The following ERC1 variants were observed in gnomAD, a reference collection of about 807,000 sequenced individuals.
ERC1 encodes ELKS/RAB6-interacting/CAST family member 1.
Under a neutral mutation model 132.0 loss-of-function variants are expected in ERC1, and 56 were observed. The ratio of observed to expected loss-of-function variants is 0.42; its 90% CI spans 0.34 to 0.53. The LOEUF (loss-of-function observed/expected upper bound fraction) is 0.53, where lower values mean the gene tolerates loss of function less well. ERC1 is among the 20% of genes least tolerant of loss of function. ERC1 has a pLI of 0.03. For missense variants in ERC1, 1,202 were observed against 1,349.9 expected, an observed-to-expected ratio of 0.89 and a Z score of 1.72; for synonymous variants, 478 against 476.1, an observed-to-expected ratio of 1.00 and a Z score of -0.05.
chr12:1,451,088 T>C (rs1343163649), intron 18 of ERC1, among the ~76,000 whole-genome samples: 1 of 152,226 alleles, frequency 6.6e-6, no homozygotes, highest in African/African-American at 2.4e-5. Context: ...TGCAAATATT[T>C]TCTCCCGTTC....
chr12:1,045,707 CAAAT>C (rs990567289), intron 2 of ERC1, among the ~76,000 whole-genome samples: 8 of 151,988 alleles, frequency 5.3e-5, no homozygotes, highest in African/African-American at 9.7e-5. Context: ...TGACTAAGGA[CAAAT>C]GAATGAAGTG....
chr12:1,121,693 ATC>A (rs1254921257), intron 7 of ERC1, among the ~76,000 whole-genome samples: 1 of 59,452 alleles, frequency 1.7e-5, no homozygotes, highest in African/African-American at 6.1e-5. Context: ...CTCTATCTCT[ATC>A]TCTATCTCTA....
chr12:1,371,926 G>A lies in ERC1; in HGVS notation c.2874G>A (p.Val958=), dbSNP rs769006807. The A allele has an allele frequency of 1.2e-6, 2 of 1,614,120 alleles. No individual in the cohort carries two copies. The highest frequency in any genetic ancestry group is 1.1e-5 in the South Asian group (1 of 91,078). Residue 958 remains valine, a synonymous_variant, in exon 16 of 19, where the codon GTG becomes GTA. Transcript: ENST00000360905. ...CTAAGAAGAAGACCCAAGAGGAAGT[G>A]GCTGCCCTGAAGCGGGAGAAGGATC... ...SSSKKKTQEE[V]AALKREKDRL...
intron 13 of ERC1, among the ~76,000 whole-genome samples, chr12:1,258,389 A>T (rs1264298860): frequency 6.6e-6 from 1 of 152,238 alleles, no homozygotes; most frequent in East Asian, 1.9e-4. Context: ...CATGTAAAGC[A>T]TGTATTCCAA....
intron 15 of ERC1, among the ~76,000 whole-genome samples, chr12:1,333,734 A>G (rs962413964): frequency 1.3e-5 from 2 of 152,198 alleles, no homozygotes; most frequent in African/African-American, 4.8e-5. Flanking sequence ...GTGTCTTTAT[A>G]ATAGAACAAT....
In ERC1 at chr12:1,365,327, GAA is replaced by G. The variant is rs77071351; in HGVS notation, c.2781-6496_2781-6495del. On this transcript the variant is annotated intron_variant, in intron 15 of 18. Coordinates refer to ENST00000360905, the MANE Select transcript of ERC1 (RefSeq NM_178040.4). ...CACTTGCCTAGACGCTACTGGCCTG[GAA>G]AAAAAAAAATGCCTTAAAAGTGCAG... is the stretch of plus-strand genomic sequence containing the variant. Among the ~76,000 whole-genome samples the G allele has an allele frequency of 1.2e-4, 18 of 146,636 alleles. 1 individual carries two copies. The highest frequency in any genetic ancestry group is 4.5e-4 in the African/African-American group (18 of 40,208).
At chr12:1,380,680 T>C (rs2088546818) in intron 16 of ERC1, 1 of 152,274 alleles carries the variant, frequency 6.6e-6, no homozygotes, top group Non-Finnish European at 1.5e-5. Context: ...AGTAGTGCCT[T>C]TTCAGCCACT....
chr12:1,193,153 C>T (rs1370226791), intron 12 of ERC1, among the ~76,000 whole-genome samples: 1 of 152,062 alleles, frequency 6.6e-6, no homozygotes, highest in East Asian at 1.9e-4. Flanking sequence ...ATGAAGGATT[C>T]CCAGGCCTGT....
chr12:1,125,544 G>T (rs909541779), intron 7 of ERC1, among the ~76,000 whole-genome samples: 3 of 152,090 alleles, frequency 2.0e-5, no homozygotes, highest in East Asian at 1.9e-4. Flanking sequence ...GGCCGGGCAC[G>T]GTGGCTCACG....
intron 4 of ERC1, 117 bp from the exon 5 acceptor site, chr12:1,110,075 C>T: frequency 1.2e-6 from 1 of 858,974 alleles, no homozygotes; most frequent in Non-Finnish European, 1.7e-6. Flanking sequence ...TGCCAGACAG[C>T]ATTTTTTCTG....
intron 13 of ERC1, among the ~76,000 whole-genome samples, chr12:1,257,471 C>T (rs2076885059): frequency 6.6e-6 from 1 of 152,156 alleles, no homozygotes; most frequent in African/African-American, 2.4e-5. Context: ...AGGTGATCTA[C>T]CATAGTCTGA....
chr12:1,057,753 G>A (rs966046197), intron 2 of ERC1, among the ~76,000 whole-genome samples: 9 of 151,650 alleles, frequency 5.9e-5, no homozygotes, highest in African/African-American at 1.9e-4. Flanking sequence ...TTGCCACCAC[G>A]CCCAGCTAAT....
intron 15 of ERC1, among the ~76,000 whole-genome samples, chr12:1,336,840 C>T (rs1300374105): frequency 6.6e-6 from 1 of 151,900 alleles, no homozygotes; most frequent in Non-Finnish European, 1.5e-5. Context: ...CTCCATTGCC[C>T]AGGCTGGAGT....
chr12:1,274,788 G>A (rs1257801737), intron 14 of ERC1, among the ~76,000 whole-genome samples: 1 of 152,198 alleles, frequency 6.6e-6, no homozygotes, highest in Non-Finnish European at 1.5e-5. Flanking sequence ...ACCGTGCCTA[G>A]CTGGAGGGCA....
intron 18 of ERC1, among the ~76,000 whole-genome samples, chr12:1,482,688 C>A (rs938714155): frequency 6.6e-6 from 1 of 152,042 alleles, no homozygotes; most frequent in Non-Finnish European, 1.5e-5. Context: ...CTCAAGTGAT[C>A]CACCTGCCTC....
intron 2 of ERC1, among the ~76,000 whole-genome samples, chr12:1,048,053 G>A (rs535986650): frequency 6.6e-6 from 1 of 152,244 alleles, no homozygotes; most frequent in Admixed American, 6.5e-5. Context: ...ATGTTCTCAG[G>A]CTAGATGCAG....
At chr12:1,200,131 G>A (rs1272195135) in intron 12 of ERC1, among the ~76,000 whole-genome samples, 1 of 152,078 alleles carries the variant, frequency 6.6e-6, no homozygotes, top group Non-Finnish European at 1.5e-5. Context: ...TTCACAACTA[G>A]TTTCTAAAAT....
chr12:1,061,426 T>G (rs1937859874), intron 2 of ERC1, among the ~76,000 whole-genome samples: 1 of 100,562 alleles, frequency 9.9e-6, no homozygotes. Flanking sequence ...TGAAACCCTG[T>G]CTCTACTATA....
Position 1,067,870 on chromosome 12 carries a change from CTGTG to C in ERC1, c.670-15286_670-15283del, listed in dbSNP as rs1245859386. Among the ~76,000 whole-genome samples the C allele has an allele frequency of 1.9e-4, 28 of 150,220 alleles. 1 individual carries two copies. The highest frequency in any genetic ancestry group is 1.7e-3 in the Admixed American group (25 of 15,114). On this transcript the variant is annotated intron_variant, in intron 2 of 18. Transcript: ENST00000360905. Reference sequence around the variant, plus strand: ...TGTAAAAAATATATTTAGAACAAAACTGTGTGTGTGTCCAGTGTAGTTTGCCAAT... The same window carrying C: ...TGTAAAAAATATATTTAGAACAAAACTGTGTGTCCAGTGTAGTTTGCCAAT...
Sources: allele counts gnomAD v4.1 joint callset (sites outside exome capture counted in the v4.1 genomes callset), GRCh38; gene constraint gnomAD v4.1.1; transcripts MANE v1.5; gene names NCBI Gene and HGNC (gene_info 2026-07-23, HGNC 2026-07-21).